The following SMG6 variants were observed in gnomAD, a reference collection of about 807,000 sequenced individuals.
SMG6 encodes the protein SMG6 nonsense mediated mRNA decay factor.
SMG6 carries 66 observed loss-of-function variants against 142.2 expected under a neutral mutation model. The ratio of observed to expected loss-of-function variants is 0.46; its 90% CI spans 0.38 to 0.57. SMG6 has a LOEUF of 0.57. Ranked by LOEUF, SMG6 falls within the 20% of genes least tolerant of loss-of-function variation. The probability of loss-of-function intolerance (pLI) is 0.00; values close to 1 mark genes in which losing one functional copy is unlikely to be tolerated. For synonymous variants in SMG6, 779 were observed against 702.4 expected, an observed-to-expected ratio of 1.11 and a Z score of -1.72; for missense variants, 1,793 against 1,832.0, an observed-to-expected ratio of 0.98 and a Z score of 0.39.
chr17:2,287,715 C>G lies in SMG6; in HGVS notation c.2338-3980G>C, dbSNP rs138962664. Among the ~76,000 whole-genome samples, 677 of 152,204 alleles carry G rather than the reference C, an allele frequency of 4.4e-3. 6 individuals carry two copies. Among genetic ancestry groups the G allele is most frequent in the Middle Eastern group, 0.014 (4 of 294 alleles). On this transcript the variant is annotated intron_variant, in intron 6 of 18. Coordinates refer to ENST00000263073, the MANE Select transcript of SMG6 (RefSeq NM_017575.5). ...ATATACACAATGAAATGTAATTCAC[C>G]CTCCAAAAGGAGGAAATTCTGACAC...
At chr17:2,227,204 T>C (rs1039999434) in intron 10 of SMG6, among the ~76,000 whole-genome samples, 1 of 152,212 alleles carries the variant, frequency 6.6e-6, no homozygotes, top group Non-Finnish European at 1.5e-5. Flanking sequence ...TGCCATATGA[T>C]CCGGCAAGTC....
At chr17:2,285,077 A>C (rs779431661) in intron 6 of SMG6, among the ~76,000 whole-genome samples, 2 of 152,224 alleles carry the variant, frequency 1.3e-5, no homozygotes, top group East Asian at 1.9e-4. Context: ...ATAATGGTGC[A>C]TCTAACAATC....
At chr17:2,262,756 C>G (rs2074343991) in intron 8 of SMG6, among the ~76,000 whole-genome samples, 1 of 152,074 alleles carries the variant, frequency 6.6e-6, no homozygotes, top group African/African-American at 2.4e-5. Context: ...TCTTACTAGA[C>G]TGTGTTTTTG....
chr17:2,277,149 A>ATTTTTTTTTTTTTTTTTTTTTTTTTTT (rs2074668813), intron 8 of SMG6, among the ~76,000 whole-genome samples: 1 of 73,700 alleles, frequency 1.4e-5, no homozygotes, highest in African/African-American at 6.7e-5. Flanking sequence ...TTATTTATTT[A>ATTTTTTTTTTTTTTTTTTTTTTTTTTT]TTTATTTATT....
Position 2,300,167 on chromosome 17 carries a change from C to A in SMG6, c.586G>T (p.Asp196Tyr). ...VAKEEVANKP[D>Y]RAEIEKSPGG... ...GGGCTCTTTTCTATCTCAGCCCTGTCTGGTTTATTCGCAACTTCCTCCTTC... is the reference window on the plus strand; with the variant it reads ...GGGCTCTTTTCTATCTCAGCCCTGTATGGTTTATTCGCAACTTCCTCCTTC... Residue 196 changes from aspartate to tyrosine, a missense_variant, in exon 2 of 19, where the codon GAC becomes TAC. Asp to Tyr is a radical substitution (Grantham distance 160). Coordinates refer to ENST00000263073, the MANE Select transcript of SMG6 (RefSeq NM_017575.5). 3.7e-6 allele frequency: 6 copies of A among 1,614,120 alleles called. No homozygotes were observed. Among genetic ancestry groups the A allele is most frequent in the Non-Finnish European group, 5.1e-6 (6 of 1,180,010 alleles).
At chr17:2,236,977 G>T in intron 9 of SMG6, 2 of 379,570 alleles carry the variant, frequency 5.3e-6, no homozygotes, top group Non-Finnish European at 7.4e-6. Context: ...TGAAACCATC[G>T]GCTTTTCTAA....
chr17:2,272,381 G>A (rs142064149), intron 8 of SMG6, among the ~76,000 whole-genome samples: 1 of 152,270 alleles, frequency 6.6e-6, no homozygotes, highest in African/African-American at 2.4e-5. Context: ...GCCTCTCTCT[G>A]TGCTTCCACA....
chr17:2,145,061 T>C (rs1351805794), intron 13 of SMG6, among the ~76,000 whole-genome samples: 1 of 152,206 alleles, frequency 6.6e-6, no homozygotes. Context: ...CTCGTTTTCA[T>C]GCCAGCTCAG....
intron 13 of SMG6, among the ~76,000 whole-genome samples, chr17:2,168,289 C>T (rs554225020): frequency 2.6e-5 from 4 of 152,180 alleles, no homozygotes; most frequent in Admixed American, 2.6e-4. Flanking sequence ...ACCTCCCAGG[C>T]TCAAGCAATT....
rs1161956483 is a variant in SMG6, at chr17:2,066,652, TACACACACACAC to T, written c.3836-985_3836-974del. On this transcript the variant is annotated intron_variant, in intron 16 of 18. Coordinates refer to ENST00000263073, the MANE Select transcript of SMG6 (RefSeq NM_017575.5). ...TTTCTGGAAAGGGCCCATGTGGGAA[TACACACACACAC>T]ACACACACACACACACACACACACA... 2.6e-3 allele frequency among the ~76,000 whole-genome samples: 308 copies of T among 119,584 alleles called. 4 individuals carry two copies. The highest frequency in any genetic ancestry group is 8.2e-3 in the African/African-American group (253 of 30,916). 78.5% of individuals were successfully genotyped at this position (119,584 alleles called of 152,430 possible). A position where few individuals can be genotyped will look rare whatever the true frequency, so the allele number is the denominator to read the frequency against.
At chr17:2,187,235 C>CA (rs1184749976) in intron 11 of SMG6, among the ~76,000 whole-genome samples, 6 of 152,120 alleles carry the variant, frequency 3.9e-5, no homozygotes, top group African/African-American at 1.4e-4. Context: ...TCATATTCTT[C>CA]AAAAATGACA....
chr17:2,088,908 G>A (rs1052463388), intron 13 of SMG6: 7 of 901,644 alleles, frequency 7.8e-6, no homozygotes, highest in East Asian at 1.2e-4. Context: ...GGAGACTTAC[G>A]GGAATATTCT....
At chr17:2,246,712 A>G (rs2151305426) in intron 8 of SMG6, among the ~76,000 whole-genome samples, 1 of 152,292 alleles carries the variant, frequency 6.6e-6, no homozygotes, top group East Asian at 1.9e-4. Context: ...TTGGGAGGCC[A>G]TGGCAGGTGG....
chr17:2,120,945 A>G (rs1428763583), intron 13 of SMG6, among the ~76,000 whole-genome samples: 1 of 152,148 alleles, frequency 6.6e-6, no homozygotes, highest in Non-Finnish European at 1.5e-5. Context: ...CGTAAAATAT[A>G]ATAGCACCAA....
chr17:2,222,404 A>T (rs1184837202), intron 10 of SMG6, among the ~76,000 whole-genome samples: 1 of 151,920 alleles, frequency 6.6e-6, no homozygotes, highest in Non-Finnish European at 1.5e-5. Flanking sequence ...TTCCAAACAG[A>T]GAAAACAGCT....
Position 2,166,139 on chromosome 17 carries a change from T to C in SMG6, c.3357+6519A>G, listed in dbSNP as rs1268936401. 3.9e-5 allele frequency among the ~76,000 whole-genome samples: 6 copies of C among 151,996 alleles called. No individual in the cohort carries two copies. The East Asian group carries it at 1.2e-3, about 29-fold the overall frequency. On this transcript the variant is annotated intron_variant, in intron 13 of 18. Transcript: ENST00000263073. Reference sequence around the variant, plus strand: ...AGGCAGGAGAATCACTTGAACTTGATAGGTGGAGGATGCAGTGAGCCGGGG... The same window carrying C: ...AGGCAGGAGAATCACTTGAACTTGACAGGTGGAGGATGCAGTGAGCCGGGG...
chr17:2,146,775 A>C (rs1041062214), intron 13 of SMG6, among the ~76,000 whole-genome samples: 1 of 152,194 alleles, frequency 6.6e-6, no homozygotes, highest in African/African-American at 2.4e-5. Flanking sequence ...CATGTTGACC[A>C]GGCTAGTCTT....
intron 10 of SMG6, among the ~76,000 whole-genome samples, chr17:2,225,625 A>G (rs1294237528): frequency 1.3e-5 from 2 of 152,214 alleles, no homozygotes; most frequent in Non-Finnish European, 2.9e-5. Context: ...AAGAATATAC[A>G]TGACAACGAT....
intron 13 of SMG6, among the ~76,000 whole-genome samples, chr17:2,086,482 T>A (rs888832599): frequency 6.6e-6 from 1 of 151,944 alleles, no homozygotes; most frequent in Non-Finnish European, 1.5e-5. Flanking sequence ...GAGACTAGAG[T>A]CAGGCAGGAA....
Sources: gnomAD v4.1 joint callset for allele counts (sites outside exome capture counted in the v4.1 genomes callset) on GRCh38, gnomAD v4.1.1 for gene constraint, MANE v1.5 for transcripts, NCBI Gene and HGNC (gene_info 2026-07-23, HGNC 2026-07-21) for gene names.